Variants in ZBTB25 observed in about 807,000 individuals in gnomAD.
The protein encoded by ZBTB25 is zinc finger and BTB domain containing 25, also known as zinc finger and BTB domain-containing protein 25.
ZBTB25 carries 20 observed loss-of-function variants against 34.2 expected under a neutral mutation model. The observed-to-expected ratio is 0.58, with a 90% CI of 0.41 to 0.85. The LOEUF is 0.85. Among genes scored for constraint, ZBTB25 ranks in the 40% least tolerant of loss-of-function variants. ZBTB25 has a pLI of 0.00. For missense variants in ZBTB25, 437 were observed against 521.8 expected (o/e 0.84, Z 1.58); for synonymous variants, 175 against 186.4 (o/e 0.94, Z 0.50).
At chr14:64,498,994 A>C (rs1045791895) in intron 1 of ZBTB25, among the ~76,000 whole-genome samples, 3 of 152,184 alleles carry the variant, frequency 2.0e-5, no homozygotes, top group African/African-American at 7.2e-5. Flanking sequence ...GTTAAGAACC[A>C]CTGCCTCAGA....
chr14:64,501,255 G>C (rs1164431482), intron 1 of ZBTB25, among the ~76,000 whole-genome samples: 1 of 152,132 alleles, frequency 6.6e-6, no homozygotes, highest in Non-Finnish European at 1.5e-5. Flanking sequence ...GCGAGGCCTT[G>C]TGCTAAGTGC....
intron 1 of ZBTB25, among the ~76,000 whole-genome samples, chr14:64,491,296 T>C (rs779755357): frequency 7.9e-5 from 12 of 151,968 alleles, no homozygotes; most frequent in Non-Finnish European, 1.2e-4. Context: ...TGAAACGTCA[T>C]CTCCACAAAA....
chr14:64,505,009 CCG>C (rs1257905936), upstream of ZBTB25: 1 of 388,714 alleles, frequency 2.6e-6, no homozygotes, highest in African/African-American at 2.1e-5. Flanking sequence ...GGGCGACGGG[CCG>C]CGGGCCTGGC....
chr14:64,460,005 A>G, intron 2 of ZBTB25: 1 of 1,317,620 alleles, frequency 7.6e-7, no homozygotes, highest in Middle Eastern at 1.8e-4. Flanking sequence ...CAAGTTTGCC[A>G]TCTTGGTGTT....
chr14:64,460,010 G>T, intron 2 of ZBTB25: 1 of 1,263,988 alleles, frequency 7.9e-7, no homozygotes, highest in South Asian at 1.4e-5. Flanking sequence ...TTGCCATCTT[G>T]GTGTTGCAAT....
rs1327046252 is a variant in ZBTB25, at chr14:64,479,801, C to G, written c.*7122G>C. The G allele has an allele frequency of 6.5e-6, 1 of 152,762 alleles. No individual in the cohort carries two copies. Among genetic ancestry groups the G allele is most frequent in the African/African-American group, 2.4e-5 (1 of 41,448 alleles). The allele number at this position is 152,762 out of a possible 1,614,324, so 9.5% of individuals were successfully genotyped here. Reference sequence around the variant, plus strand: ...GGTCTTCAAATTCAGATTGGAACATCACTGACTCCCCAGCCTCTCAGCCTC... The same window carrying G: ...GGTCTTCAAATTCAGATTGGAACATGACTGACTCCCCAGCCTCTCAGCCTC... On this transcript the variant is annotated 3_prime_UTR_variant, in exon 3 of 3. Coordinates refer to ENST00000608382, the MANE Select transcript of ZBTB25 (RefSeq NM_006977.5).
upstream of ZBTB25, chr14:64,504,732 G>A (rs1423097624): frequency 2.7e-6 from 1 of 374,648 alleles, no homozygotes; most frequent in Non-Finnish European, 4.7e-6. Flanking sequence ...GCTCAGTGCG[G>A]TGCGGCAGGC....
At chr14:64,474,818 A>G (rs1283617303), downstream of ZBTB25, among the ~76,000 whole-genome samples, 1 of 152,208 alleles carries the variant, frequency 6.6e-6, no homozygotes, top group Non-Finnish European at 1.5e-5. Flanking sequence ...TGAATTGTTC[A>G]TCTTTATGAT....
At chr14:64,498,310 T>C (rs2079351864) in intron 1 of ZBTB25, among the ~76,000 whole-genome samples, 1 of 150,608 alleles carries the variant, frequency 6.6e-6, no homozygotes, top group Non-Finnish European at 1.5e-5. Context: ...ACAGATTCTT[T>C]TTTTTTTTTT....
At chr14:64,490,591 T>C (rs1006156751) in intron 1 of ZBTB25, 51 bp from the exon 2 acceptor site, 6 of 1,406,866 alleles carry the variant, frequency 4.3e-6, no homozygotes, top group Middle Eastern at 1.9e-4. Context: ...TATATACGCA[T>C]TATTTTTTAT....
At chr14:64,465,813 AT>A (rs1201397320) in intron 2 of ZBTB25, among the ~76,000 whole-genome samples, 1 of 152,132 alleles carries the variant, frequency 6.6e-6, no homozygotes, top group East Asian at 1.9e-4. Context: ...CTGCCCACCT[AT>A]CCCCTTCGCG....
At chr14:64,469,173 C>CA in intron 2 of ZBTB25, 1 of 1,614,100 alleles carries the variant, frequency 6.2e-7, no homozygotes, top group Non-Finnish European at 8.5e-7. Flanking sequence ...CATCAGCAGC[C>CA]AGTACTTTCT....
chr14:64,496,851 C>T (rs1297238042), intron 1 of ZBTB25, among the ~76,000 whole-genome samples: 1 of 152,168 alleles, frequency 6.6e-6, no homozygotes, highest in Non-Finnish European at 1.5e-5. Flanking sequence ...TTGGACTACA[C>T]TTTGAGAACC....
At chr14:64,463,395 C>A (rs1249704849) in intron 2 of ZBTB25, 1 of 152,030 alleles carries the variant, frequency 6.6e-6, no homozygotes, top group Non-Finnish European at 1.5e-5. Flanking sequence ...TTGTAATATA[C>A]CTTAAGGAAG....
At chr14:64,498,656 C>G (rs957539290) in intron 1 of ZBTB25, among the ~76,000 whole-genome samples, 4 of 150,390 alleles carry the variant, frequency 2.7e-5, no homozygotes, top group African/African-American at 4.9e-5. Context: ...TTTTTTGAGA[C>G]AGAGTCTCAC....
At chr14:64,474,045 AGACAG>A (rs1405221456), downstream of ZBTB25, 1 of 167,080 alleles carries the variant, frequency 6.0e-6, no homozygotes, top group East Asian at 1.9e-4. Context: ...TTGATAAGGG[AGACAG>A]GCTCCCTGCC....
rs762200937 is a variant in ZBTB25 at position 64,468,594 on chromosome 14, G to A, written c.174-18956C>T. Reference sequence around the variant, plus strand: ...GCAAGGAAGTGTCCACAAGAAGCAGGAGCTTCTGATCAGCCAGAGCCCACA... The same window carrying A: ...GCAAGGAAGTGTCCACAAGAAGCAGAAGCTTCTGATCAGCCAGAGCCCACA... On this transcript the variant is annotated intron_variant, in intron 2 of 2. Coordinates refer to the ZBTB25 transcript ENST00000555220. The A allele has an allele frequency of 8.6e-5, 139 of 1,613,824 alleles. 4 individuals carry two copies. The South Asian group carries it at 1.4e-3, about 17-fold the overall frequency.
chr14:64,463,892 G>C (rs1277808261), intron 2 of ZBTB25, among the ~76,000 whole-genome samples: 2 of 152,190 alleles, frequency 1.3e-5, no homozygotes, highest in African/African-American at 4.8e-5. Context: ...ATCTCAATAA[G>C]GAATAGTTCT....
rs762995872 is a variant in ZBTB25, at chr14:64,487,082, C to A, written c.1149G>T (p.Arg383Ser). Residue 383 changes from arginine to serine, a missense_variant, in exon 3 of 3, where the codon AGG (arginine) becomes AGT (serine). Transcript: ENST00000608382. ...ATCTCTGGGCCAATGCATTACCAAA[C>A]CTTTGGCATCGGTTATATCTGTAAG... ...GKSYRYNRCQ[R>S]FGNALAQRFQ... 10 of 1,614,054 alleles carry A rather than the reference C, an allele frequency of 6.2e-6. No homozygotes were observed. Among genetic ancestry groups the A allele is most frequent in the South Asian group, 1.1e-5 (1 of 91,090 alleles).
Sources: allele counts gnomAD v4.1 joint callset (sites outside exome capture counted in the v4.1 genomes callset), GRCh38; gene constraint gnomAD v4.1.1; transcripts MANE v1.5; gene names NCBI Gene and HGNC (gene_info 2026-07-23, HGNC 2026-07-21).